The following SDK1 variants were observed in gnomAD, a reference collection of about 807,000 sequenced individuals.
SDK1 encodes protein sidekick-1.
In SDK1, 157 loss-of-function variants were observed where a neutral mutation model predicts 245.5. That is an observed-to-expected ratio of 0.64 (90% CI 0.56 to 0.73). The LOEUF (loss-of-function observed/expected upper bound fraction) is 0.73. Ranked by LOEUF, SDK1 falls within the 30% of genes least tolerant of loss-of-function variation. The pLI is 0.00. For missense variants in SDK1, 3,583 were observed against 3,002.3 expected, an observed-to-expected ratio of 1.19 and a Z score of -4.52; for synonymous variants, 1,647 against 1,278.5, an observed-to-expected ratio of 1.29 and a Z score of -6.15.
intron 1 of SDK1, among the ~76,000 whole-genome samples, chr7:3,581,927 G>A (rs1453645589): frequency 6.6e-6 from 1 of 152,236 alleles, no homozygotes; most frequent in Non-Finnish European, 1.5e-5. Context: ...ATTCTCGTCA[G>A]TGGGAGCTAA....
chr7:3,410,775 C>G (rs756566130), intron 1 of SDK1, among the ~76,000 whole-genome samples: 2 of 151,812 alleles, frequency 1.3e-5, no homozygotes, highest in Non-Finnish European at 1.5e-5. Flanking sequence ...TCAGTAGAGA[C>G]AGGCTTTCAC....
At chr7:3,735,326 C>T (rs1779289735) in intron 4 of SDK1, among the ~76,000 whole-genome samples, 1 of 152,142 alleles carries the variant, frequency 6.6e-6, no homozygotes, top group Non-Finnish European at 1.5e-5. Flanking sequence ...CTCTCTGATT[C>T]CCCTTCCCCC....
intron 14 of SDK1, among the ~76,000 whole-genome samples, chr7:3,990,430 G>A (rs753039958): frequency 2.6e-5 from 4 of 152,154 alleles, no homozygotes; most frequent in Non-Finnish European, 4.4e-5. Flanking sequence ...TCCATTCAAC[G>A]GCTCTGACCG....
chr7:3,449,030 G>A (rs984971754), intron 1 of SDK1, among the ~76,000 whole-genome samples: 2 of 152,180 alleles, frequency 1.3e-5, no homozygotes, highest in Admixed American at 1.3e-4. Flanking sequence ...TTCTGTAAAA[G>A]CAATAACATG....
intron 1 of SDK1, among the ~76,000 whole-genome samples, chr7:3,521,014 A>G (rs1042992592): frequency 1.2e-4 from 18 of 152,264 alleles, no homozygotes; most frequent in East Asian, 1.9e-4. Flanking sequence ...AGGGCTGTCT[A>G]TGTTCCTTTC....
At chr7:3,591,061 A>G (rs1780856841) in intron 1 of SDK1, among the ~76,000 whole-genome samples, 1 of 152,206 alleles carries the variant, frequency 6.6e-6, no homozygotes, top group Admixed American at 6.5e-5. Context: ...AACGGTTTAT[A>G]TGATAATCAT....
intron 4 of SDK1, among the ~76,000 whole-genome samples, chr7:3,707,851 T>A (rs181166571): frequency 1.0e-3 from 154 of 152,334 alleles, no homozygotes; most frequent in Admixed American, 2.7e-3. Context: ...AAAGTCTGTT[T>A]TATGTGATAT....
At chr7:3,443,042 C>G (rs1583864762) in intron 1 of SDK1, among the ~76,000 whole-genome samples, 1 of 148,192 alleles carries the variant, frequency 6.7e-6, no homozygotes. Context: ...CATATCCAGC[C>G]TGTAAAAATA....
At chr7:4,245,375 C>T (rs578248798) in intron 43 of SDK1, among the ~76,000 whole-genome samples, 16 of 152,266 alleles carry the variant, frequency 1.1e-4, no homozygotes, top group African/African-American at 2.4e-4. Flanking sequence ...CTATCTGTCC[C>T]GACCTCAGGG....
intron 5 of SDK1, among the ~76,000 whole-genome samples, chr7:3,932,416 C>T (rs548284451): frequency 2.7e-4 from 41 of 152,262 alleles, no homozygotes; most frequent in East Asian, 7.7e-4. Context: ...AACCTTGCTT[C>T]GTAGCAGATT....
intron 1 of SDK1, among the ~76,000 whole-genome samples, chr7:3,324,457 CA>C (rs1269564365): frequency 6.6e-6 from 1 of 152,026 alleles, no homozygotes; most frequent in Non-Finnish European, 1.5e-5. Flanking sequence ...AAAGTCGTTA[CA>C]AAAAGCCGAT....
At chr7:3,568,224 A>T (rs1779989344) in intron 1 of SDK1, among the ~76,000 whole-genome samples, 2 of 152,240 alleles carry the variant, frequency 1.3e-5, no homozygotes, top group South Asian at 4.1e-4. Flanking sequence ...ATATGCATTT[A>T]ATTTAATATG....
rs1779661138 is a variant in SDK1 at position 3,923,400 on chromosome 7, C to T, written c.848-27523C>T. Among the ~76,000 whole-genome samples, 3 of 152,210 alleles carry T rather than the reference C, an allele frequency of 2.0e-5. No homozygotes were observed. The South Asian group carries it at 6.2e-4, about 32-fold the overall frequency. On this transcript the variant is annotated intron_variant, in intron 5 of 44. Transcript: ENST00000404826. ...CAATTGAATGAAGGGAGGTTTGTTA[C>T]GGGGCTAAAGGAATTCCTTTCCCTG...
intron 4 of SDK1, among the ~76,000 whole-genome samples, chr7:3,778,461 T>C (rs1163026093): frequency 1.9e-5 from 2 of 107,808 alleles, no homozygotes; most frequent in African/African-American, 2.8e-5. Context: ...AAAGTTCGTA[T>C]TTTCTATCTT....
At chr7:4,172,597 G>A (rs1321388177) in intron 32 of SDK1, among the ~76,000 whole-genome samples, 2 of 152,130 alleles carry the variant, frequency 1.3e-5, no homozygotes, top group Admixed American at 1.3e-4. Flanking sequence ...ATTTACCGGG[G>A]GCAGCAAAAC....
chr7:3,357,400 A>G (rs1309062390), intron 1 of SDK1, among the ~76,000 whole-genome samples: 3 of 118,554 alleles, frequency 2.5e-5, no homozygotes, highest in South Asian at 5.8e-4. Flanking sequence ...CCCAGGCTGG[A>G]GTGCAATGGT....
chr7:3,879,037 C>A (rs1781142168), intron 5 of SDK1, among the ~76,000 whole-genome samples: 1 of 152,138 alleles, frequency 6.6e-6, no homozygotes, highest in African/African-American at 2.4e-5. Context: ...ACTTCTATAT[C>A]CGACAGTCAG....
chr7:3,455,724 C>A lies in SDK1; in HGVS notation c.298+153840C>A, dbSNP rs528485130. 2.0e-5 allele frequency among the ~76,000 whole-genome samples: 3 copies of A among 152,210 alleles called. No homozygotes were observed. The South Asian group carries it at 6.2e-4, about 32-fold the overall frequency. ...GTATTGGATAGAGTGATTCTTCTCA[C>A]TTTATTCTCTGTCAAGATTGTTTTA... On this transcript the variant is annotated intron_variant, in intron 1 of 44. Coordinates refer to ENST00000404826, the MANE Select transcript of SDK1 (RefSeq NM_152744.4).
chr7:3,391,762 G>A (rs545758637), intron 1 of SDK1, among the ~76,000 whole-genome samples: 8 of 150,392 alleles, frequency 5.3e-5, no homozygotes, highest in African/African-American at 9.8e-5. Context: ...TCAGCCTCCC[G>A]AGTAGCTGGT....
Sources: allele counts gnomAD v4.1 joint callset (sites outside exome capture counted in the v4.1 genomes callset), GRCh38; gene constraint gnomAD v4.1.1; transcripts MANE v1.5; gene names NCBI Gene and HGNC (gene_info 2026-07-23, HGNC 2026-07-21).